The following LAMA2 variants were observed in gnomAD, a reference collection of about 807,000 sequenced individuals.
LAMA2 encodes the protein laminin subunit alpha 2, also known as laminin subunit alpha-2.
A neutral mutation model predicts 364.8 loss-of-function variants in LAMA2; 269 were observed. The ratio of observed to expected loss-of-function variants is 0.74; its 90% CI spans 0.67 to 0.82. The LOEUF is 0.82. Among genes scored for constraint, LAMA2 ranks in the 40% least tolerant of loss-of-function variants. The pLI is 0.00. For synonymous variants in LAMA2, 1,379 were observed against 1,370.6 expected (o/e 1.01, Z -0.14); for missense variants, 3,807 against 3,873.2 (o/e 0.98, Z 0.45).
chr6:129,265,015 A>T (rs1047193668), intron 15 of LAMA2, among the ~76,000 whole-genome samples: 1 of 152,166 alleles, frequency 6.6e-6, no homozygotes, highest in Non-Finnish European at 1.5e-5. Flanking sequence ...TTTATTTTTG[A>T]TGGAGACACT....
At chr6:129,477,781 A>T (rs945094515) in intron 53 of LAMA2, among the ~76,000 whole-genome samples, 1 of 152,148 alleles carries the variant, frequency 6.6e-6, no homozygotes, top group Non-Finnish European at 1.5e-5. Context: ...ATCTGTTAAA[A>T]AAAAACATTT....
intron 1 of LAMA2, among the ~76,000 whole-genome samples, chr6:129,032,011 G>T (rs1306794182): frequency 6.6e-6 from 1 of 152,024 alleles, no homozygotes; most frequent in Non-Finnish European, 1.5e-5. Context: ...GTAGAGACAG[G>T]GTTTGGCCAT....
At chr6:128,953,111 G>T (rs1230860221) in intron 1 of LAMA2, among the ~76,000 whole-genome samples, 1 of 152,124 alleles carries the variant, frequency 6.6e-6, no homozygotes, top group African/African-American at 2.4e-5. Context: ...GGAACACAGG[G>T]CAGCTTAGGT....
intron 21 of LAMA2, among the ~76,000 whole-genome samples, chr6:129,298,915 T>A (rs1457015516): frequency 1.3e-5 from 2 of 152,160 alleles, no homozygotes; most frequent in Non-Finnish European, 2.9e-5. Flanking sequence ...AGCCAATATC[T>A]GTATAACTTA....
At chr6:128,937,138 A>G (rs1438905183) in intron 1 of LAMA2, among the ~76,000 whole-genome samples, 1 of 152,234 alleles carries the variant, frequency 6.6e-6, no homozygotes, top group East Asian at 1.9e-4. Flanking sequence ...AAGTGAAACA[A>G]AGCATAAGTG....
At chr6:129,222,978 A>G (rs1783974101) in intron 12 of LAMA2, among the ~76,000 whole-genome samples, 1 of 152,076 alleles carries the variant, frequency 6.6e-6, no homozygotes, top group African/African-American at 2.4e-5. Flanking sequence ...AAGTGTTCCT[A>G]TTTCTCCACA....
intron 40 of LAMA2, among the ~76,000 whole-genome samples, chr6:129,408,651 C>A (rs1216702006): frequency 6.6e-6 from 1 of 152,114 alleles, no homozygotes; most frequent in African/African-American, 2.4e-5. Context: ...GCTGGCTGAT[C>A]ACCCTGAGGA....
chr6:129,226,557 T>C (rs1383419985), intron 12 of LAMA2, among the ~76,000 whole-genome samples: 1 of 152,022 alleles, frequency 6.6e-6, no homozygotes, highest in Non-Finnish European at 1.5e-5. Flanking sequence ...CATTTGCTTG[T>C]CTGTAAAGTA....
chr6:129,053,536 C>A (rs901117415), intron 2 of LAMA2, among the ~76,000 whole-genome samples: 1 of 151,256 alleles, frequency 6.6e-6, no homozygotes, highest in African/African-American at 2.4e-5. Context: ...TAAATGGAGT[C>A]AAGGCAATAA....
chr6:129,219,727 A>G (rs1427275258), intron 12 of LAMA2, among the ~76,000 whole-genome samples: 1 of 139,458 alleles, frequency 7.2e-6, no homozygotes, highest in African/African-American at 2.6e-5. Context: ...TATCACAAGG[A>G]CAAAAAAACA....
chr6:129,226,673 G>A (rs571466095), intron 12 of LAMA2, among the ~76,000 whole-genome samples: 80 of 152,048 alleles, frequency 5.3e-4, no homozygotes, highest in African/African-American at 1.8e-3. Context: ...ACTCTCTTCC[G>A]GCTTGTAGAG....
At chr6:129,451,954 A>G (rs2114786578) in intron 45 of LAMA2, among the ~76,000 whole-genome samples, 1 of 152,366 alleles carries the variant, frequency 6.6e-6, no homozygotes, top group South Asian at 2.1e-4. Context: ...TGTGCAAATT[A>G]CATGAGTAGC....
chr6:129,277,730 G>A (rs983078140), intron 17 of LAMA2, among the ~76,000 whole-genome samples: 6 of 152,108 alleles, frequency 3.9e-5, no homozygotes, highest in African/African-American at 1.2e-4. Context: ...GTGAAAATGT[G>A]ATAAAATTGT....
intron 1 of LAMA2, among the ~76,000 whole-genome samples, chr6:129,026,318 T>A (rs907458274): frequency 6.6e-6 from 1 of 152,208 alleles, no homozygotes; most frequent in African/African-American, 2.4e-5. Context: ...TATTAAATTA[T>A]GTAACATTTT....
chr6:129,318,328 C>T (rs940317817), intron 27 of LAMA2, among the ~76,000 whole-genome samples: 2 of 151,988 alleles, frequency 1.3e-5, no homozygotes, highest in Non-Finnish European at 2.9e-5. Context: ...GAAATAGCAA[C>T]TTTTGCATTT....
intron 22 of LAMA2, among the ~76,000 whole-genome samples, chr6:129,310,714 G>A (rs571412629): frequency 3.9e-5 from 6 of 152,088 alleles, no homozygotes; most frequent in Non-Finnish European, 8.8e-5. Context: ...GTACAGAAGA[G>A]CAGCTACTCC....
At chr6:128,911,628 G>T (rs879929169) in intron 1 of LAMA2, among the ~76,000 whole-genome samples, 4 of 152,174 alleles carry the variant, frequency 2.6e-5, no homozygotes, top group African/African-American at 9.7e-5. Context: ...GCTGTAGACC[G>T]GAGCTGTTCC....
chr6:128,920,249 C>A (rs183280663), intron 1 of LAMA2, among the ~76,000 whole-genome samples: 1 of 152,038 alleles, frequency 6.6e-6, no homozygotes. Flanking sequence ...CCTCCACCTC[C>A]CGGGTTCAAG....
intron 1 of LAMA2, among the ~76,000 whole-genome samples, chr6:128,993,273 A>G (rs1373431981): frequency 6.6e-6 from 1 of 152,244 alleles, no homozygotes; most frequent in Admixed American, 6.5e-5. Context: ...GGAAAAATGT[A>G]TACATAATGT....
Sources: gnomAD v4.1 joint callset for allele counts (sites outside exome capture counted in the v4.1 genomes callset) on GRCh38, gnomAD v4.1.1 for gene constraint, MANE v1.5 for transcripts, NCBI Gene and HGNC (gene_info 2026-07-23, HGNC 2026-07-21) for gene names.